The following CPLANE1 variants were observed in gnomAD, a reference collection of about 807,000 sequenced individuals.
CPLANE1 encodes ciliogenesis and planar polarity effector 1.
In CPLANE1, 263 loss-of-function variants were observed where a neutral mutation model predicts 362.5. That is an observed-to-expected ratio of 0.73 (90% confidence interval 0.66 to 0.80). CPLANE1 has a LOEUF of 0.80. CPLANE1 is among the 30% of genes least tolerant of loss of function. The probability of loss-of-function intolerance (pLI) is 0.00; values close to 1 mark genes in which losing one functional copy is unlikely to be tolerated. For synonymous variants in CPLANE1, 1,212 were observed against 1,302.6 expected (o/e 0.93, Z 1.50); for missense variants, 3,461 against 3,793.4 (o/e 0.91, Z 2.30).
chr5:37,100,602 CTTG>C, the CPLANE1 span, among the ~76,000 whole-genome samples: 1 of 151,944 alleles, frequency 6.6e-6, no homozygotes, highest in Non-Finnish European at 1.5e-5. Flanking sequence ...GCTTTTTGTT[CTTG>C]TTGTTCCATA....
Position 37,158,337 on chromosome 5 carries a change from G to A in CPLANE1, c.7699C>T (p.Pro2567Ser), listed in dbSNP as rs1775782252. Residue 2567 changes from proline to serine, a missense_variant, in exon 39 of 53, where the codon CCT becomes TCT. By Grantham distance (74) the Pro-to-Ser change is moderately conservative (BLOSUM62 -1). Transcript: ENST00000651892. ...ASTNTDPEHE[P>S]LTAPQLLVPD... The stretch of plus-strand genomic sequence containing the variant: ...ACCAAGAGCTGAGGAGCAGTCAAAG[G>A]CTCATGTTCTGAAAATTAAAAAAGA... 5 of 1,610,988 alleles carry A rather than the reference G, an allele frequency of 3.1e-6. No individual in the cohort carries two copies. The highest frequency in any genetic ancestry group is 1.1e-5 in the South Asian group (1 of 90,516).
At chr5:37,180,636 G>A (rs1226836156) in intron 27 of CPLANE1, among the ~76,000 whole-genome samples, 3 of 152,136 alleles carry the variant, frequency 2.0e-5, no homozygotes, top group African/African-American at 7.2e-5. Context: ...AATCCCTCAG[G>A]ATGAATTAAT....
intron 29 of CPLANE1, 100 bp downstream of exon 29, chr5:37,179,261 C>G: frequency 1.3e-6 from 1 of 783,300 alleles, no homozygotes; most frequent in East Asian, 2.7e-5. Context: ...AGAGCTAGCC[C>G]TGCTTTGATA....
intron 15 of CPLANE1, among the ~76,000 whole-genome samples, chr5:37,218,879 C>T (rs981323681): frequency 2.0e-5 from 3 of 149,960 alleles, no homozygotes; most frequent in Non-Finnish European, 3.0e-5. Flanking sequence ...AACTGGGAGG[C>T]GAAGGTTGCA....
At chr5:37,127,314 C>T (rs1391523800) in intron 46 of CPLANE1, among the ~76,000 whole-genome samples, 1 of 152,138 alleles carries the variant, frequency 6.6e-6, no homozygotes, top group Non-Finnish European at 1.5e-5. Flanking sequence ...ATCAGCACTG[C>T]AGTATGATAG....
rs1409290938 is a variant in CPLANE1, at chr5:37,209,266, G to C, written c.2921-2841C>G. On this transcript the variant is annotated intron_variant, in intron 16 of 52. Transcript: ENST00000651892. This position sits in a 1 kb window ranked among gnomAD's most constrained non-coding sequence, Gnocchi z 4.6. ...GACAGAAGCAGGGCTCTGGAGGGCA[G>C]GGATTCCCCCTCGTCTTGGCCCTAC... The C allele has an allele frequency of 1.4e-6, 1 of 703,000 alleles. No individual in the cohort carries two copies. Among genetic ancestry groups the C allele is most frequent in the Non-Finnish European group, 2.6e-6 (1 of 382,072 alleles). The allele number at this position is 703,000 out of a possible 1,614,324, so 43.5% of individuals were successfully genotyped here. A position where few individuals can be genotyped will look rare whatever the true frequency, so the allele number is the denominator to read the frequency against.
chr5:37,157,766 G>A lies in CPLANE1; in HGVS notation c.7915C>T (p.Gln2639Ter), dbSNP rs200125242. ...EPSNDNVIKQ[Q>*]SDHLAVPSSA... is the part of the protein sequence containing the mutation. ...GATGGAACTGCTAGATGATCGCTTT[G>A]CTGTTTGATAACATTATCATTTGAA... Residue 2639 changes from glutamine to a stop codon, truncating the protein, a stop_gained, in exon 40 of 53, where the codon CAA becomes TAA. Coordinates refer to ENST00000651892, the MANE Select transcript of CPLANE1 (RefSeq NM_001384732.1). LOFTEE classifies it high-confidence loss of function. 7 of 1,613,634 alleles carry A rather than the reference G, an allele frequency of 4.3e-6. No homozygotes were observed. The highest frequency in any genetic ancestry group is 1.7e-6 in the Non-Finnish European group (2 of 1,179,734).
chr5:37,197,596 C>A (rs1488359832), intron 20 of CPLANE1, among the ~76,000 whole-genome samples: 2 of 152,110 alleles, frequency 1.3e-5, no homozygotes, highest in Admixed American at 1.3e-4. Flanking sequence ...TGTGGTGGTT[C>A]TGATGCACAG....
At chr5:37,123,253 A>G (rs1433687591) in intron 47 of CPLANE1, among the ~76,000 whole-genome samples, 3 of 152,226 alleles carry the variant, frequency 2.0e-5, no homozygotes, top group African/African-American at 7.2e-5. Flanking sequence ...GAACATTAAG[A>G]ACTATTGGTG....
rs905052444 is a variant in CPLANE1 at position 37,121,873 on chromosome 5, ATG to A, written c.9018-91_9018-90del. The A allele has an allele frequency of 4.0e-5, 42 of 1,055,258 alleles. No homozygotes were observed. The African/African-American group carries it at 5.9e-4, about 15-fold the overall frequency. 65.4% of individuals were successfully genotyped at this position (1,055,258 alleles called of 1,614,324 possible). Reference sequence around the variant, plus strand: ...ATATAGTGTTTGAAGATCACCTAGCATGTTCTGGTTTTTTTTTTTTTTTGAGA... The same window carrying A: ...ATATAGTGTTTGAAGATCACCTAGCATTCTGGTTTTTTTTTTTTTTTGAGA... On this transcript the variant is annotated intron_variant, in intron 48 of 52. Transcript: ENST00000651892.
Position 37,121,749 on chromosome 5 carries a change from G to A in CPLANE1, c.9053C>T (p.Ser3018Leu), listed in dbSNP as rs1762694306. 1.2e-6 allele frequency: 2 copies of A among 1,613,914 alleles called. No individual in the cohort carries two copies. The highest frequency in any genetic ancestry group is 1.7e-6 in the Non-Finnish European group (2 of 1,179,884). Reference sequence around the variant, plus strand: ...TTCATTCATCAGACCGTACGCTTGTGAGATTCGACGACTATAGTGTTCAGA... The same window carrying A: ...TTCATTCATCAGACCGTACGCTTGTAAGATTCGACGACTATAGTGTTCAGA... ...LLSEHYSRRI[S>L]QAYGLMNELL... The change falls in exon 49 of 53, where the codon TCA (serine) becomes TTA (leucine). Residue 3018 changes from serine to leucine, a missense_variant. Transcript: ENST00000651892.
intron 38 of CPLANE1, among the ~76,000 whole-genome samples, chr5:37,160,032 A>T (rs1776420187): frequency 6.6e-6 from 1 of 152,232 alleles, no homozygotes; most frequent in African/African-American, 2.4e-5. Context: ...ACAGATAATT[A>T]GATATTATGC....
chr5:37,120,389 C>T lies in CPLANE1; in HGVS notation c.9186-49G>A, dbSNP rs779204013. 14 of 1,490,324 alleles carry T rather than the reference C, an allele frequency of 9.4e-6. No individual in the cohort carries two copies. The East Asian group carries it at 1.2e-4, about 13-fold the overall frequency. 92.3% of individuals were successfully genotyped at this position (1,490,324 alleles called of 1,614,324 possible). A position where few individuals can be genotyped will look rare whatever the true frequency, so the allele number is the denominator to read the frequency against. On this transcript the variant is annotated intron_variant, in intron 49 of 52. Transcript: ENST00000651892. Reference sequence around the variant, plus strand: ...TTACATTCCCAGAATCTCATATCAGCGATAAACTTTAACATTTCAAAAAGC... The same window carrying T: ...TTACATTCCCAGAATCTCATATCAGTGATAAACTTTAACATTTCAAAAAGC...
At chr5:37,084,605 C>A in the CPLANE1 span, among the ~76,000 whole-genome samples, 2 of 151,816 alleles carry the variant, frequency 1.3e-5, no homozygotes, top group African/African-American at 4.8e-5. Context: ...CATAATGAAA[C>A]CCCGTCTCTA....
chr5:37,103,338 T>TAGCA (rs531877607), downstream of CPLANE1, among the ~76,000 whole-genome samples: 527 of 152,346 alleles, frequency 3.5e-3, 2 homozygotes, highest in African/African-American at 0.012. Flanking sequence ...TTTTATGTAT[T>TAGCA]TTAATTGTGG....
intron 6 of CPLANE1, among the ~76,000 whole-genome samples, chr5:37,241,619 CTTATT>C (rs1179305402): frequency 1.3e-5 from 2 of 151,942 alleles, no homozygotes; most frequent in South Asian, 4.2e-4. Flanking sequence ...ACTTGTTTAT[CTTATT>C]TTATTTATTT....
Position 37,168,836 on chromosome 5 carries a change from G to A in CPLANE1, c.7188C>T (p.Tyr2396=). 1.9e-6 allele frequency: 3 copies of A among 1,613,520 alleles called. No homozygotes were observed. The Admixed American group carries it at 5.0e-5, about 27-fold the overall frequency. Residue 2396 remains tyrosine, a synonymous_variant, in exon 34 of 53, where the codon TAC becomes TAT. Coordinates refer to ENST00000651892, the MANE Select transcript of CPLANE1 (RefSeq NM_001384732.1). The part of the protein sequence containing the change: ...PIQPIAEERK[Y]PRLSLLHSHL... ...GTGAATGAAGTAATGACAATCTTGG[G>A]TATTTTCTTTCTTCTGCTATAGGTT... is the stretch of plus-strand genomic sequence containing the variant.
At chr5:37,162,635 A>G in intron 37 of CPLANE1, 69 bp from the exon 38 acceptor site, 2 of 1,074,898 alleles carry the variant, frequency 1.9e-6, no homozygotes, top group African/African-American at 1.6e-5. Context: ...CCAGCAGCAC[A>G]GTACCTAACT....
intron 46 of CPLANE1, 133 bp from the exon 47 acceptor site, chr5:37,125,542 A>T (rs758113653): frequency 1.2e-4 from 93 of 745,848 alleles, no homozygotes; most frequent in Non-Finnish European, 1.8e-4. Flanking sequence ...TATGTTCTCT[A>T]GTCAACTCAC....
Sources: allele counts gnomAD v4.1 joint callset (sites outside exome capture counted in the v4.1 genomes callset), GRCh38; gene constraint gnomAD v4.1.1; non-coding constraint Gnocchi (gnomAD v3.1); transcripts MANE v1.5; gene names NCBI Gene and HGNC (gene_info 2026-07-23, HGNC 2026-07-21).